The following DOCK8 variants were observed in gnomAD, a reference collection of about 807,000 sequenced individuals.
DOCK8 encodes dedicator of cytokinesis 8, also known as dedicator of cytokinesis protein 8.
Under a neutral mutation model 245.6 loss-of-function variants are expected in DOCK8, and 141 were observed. That is an observed-to-expected ratio of 0.57 (90% confidence interval 0.50 to 0.66). DOCK8 has a LOEUF of 0.66. DOCK8 is among the 30% of genes least tolerant of loss of function. The probability of loss-of-function intolerance (pLI) is 0.00; values close to 1 mark genes in which losing one functional copy is unlikely to be tolerated. For missense variants in DOCK8, 2,965 were observed against 2,603.4 expected (o/e 1.14, Z -3.02); for synonymous variants, 1,168 against 970.2 (o/e 1.20, Z -3.79).
intron 24 of DOCK8, among the ~76,000 whole-genome samples, chr9:392,659 A>T (rs2054251158): frequency 6.6e-6 from 1 of 151,570 alleles, no homozygotes; most frequent in Non-Finnish European, 1.5e-5. Context: ...ACAACACCAG[A>T]ATTTTTTTTT....
chr9:359,418 A>G (rs561267570), intron 14 of DOCK8, among the ~76,000 whole-genome samples: 1 of 152,312 alleles, frequency 6.6e-6, no homozygotes, highest in Admixed American at 6.5e-5. Flanking sequence ...CCTGTCATAG[A>G]TGCTTGTAAC....
At chr9:451,676 T>C (rs148384955) in intron 45 of DOCK8, among the ~76,000 whole-genome samples, 90 of 151,890 alleles carry the variant, frequency 5.9e-4, no homozygotes, top group African/African-American at 2.1e-3. Flanking sequence ...TACTTCTGAG[T>C]GTTCCTCTAA....
chr9:310,594 G>C (rs1163950673), intron 5 of DOCK8, among the ~76,000 whole-genome samples: 1 of 152,166 alleles, frequency 6.6e-6, no homozygotes, highest in Non-Finnish European at 1.5e-5. Flanking sequence ...AAGTAGCTGA[G>C]ATTATAGGCA....
intron 14 of DOCK8, among the ~76,000 whole-genome samples, chr9:367,306 C>G (rs774868685): frequency 4.6e-5 from 7 of 152,172 alleles, no homozygotes; most frequent in Non-Finnish European, 8.8e-5. Context: ...GTCCTAGGCA[C>G]TGTTCTAGTG....
At chr9:435,066 A>G in intron 39 of DOCK8, 91 bp downstream of exon 39, 2 of 1,500,214 alleles carry the variant, frequency 1.3e-6, no homozygotes, top group Non-Finnish European at 1.8e-6. Flanking sequence ...CAATGTCTAG[A>G]TACATTTTTG....
intron 36 of DOCK8, among the ~76,000 whole-genome samples, chr9:430,400 A>G (rs1351676201): frequency 2.0e-5 from 3 of 151,478 alleles, no homozygotes; most frequent in Non-Finnish European, 4.4e-5. Context: ...AAAATAAAAT[A>G]ACCAGGTGCA....
At chr9:411,737 C>T (rs181290638) in intron 28 of DOCK8, among the ~76,000 whole-genome samples, 169 of 152,228 alleles carry the variant, frequency 1.1e-3, no homozygotes, top group African/African-American at 3.7e-3. Flanking sequence ...AAGGATTATA[C>T]ACCATGGCTA....
chr9:333,515 A>T (rs192712641), intron 10 of DOCK8, among the ~76,000 whole-genome samples: 10 of 151,838 alleles, frequency 6.6e-5, no homozygotes, highest in South Asian at 2.1e-4. Context: ...GCAGGAGAAT[A>T]GCTTGAACCT....
At chr9:308,673 T>C (rs1346919592) in intron 5 of DOCK8, among the ~76,000 whole-genome samples, 7 of 152,224 alleles carry the variant, frequency 4.6e-5, no homozygotes. Context: ...TCTTTCTTTT[T>C]TAGAGACAGA....
chr9:404,650 G>A (rs2055328859), intron 26 of DOCK8, among the ~76,000 whole-genome samples: 1 of 152,140 alleles, frequency 6.6e-6, no homozygotes, highest in Non-Finnish European at 1.5e-5. Flanking sequence ...GCTTCCCATG[G>A]TATTAAAGAT....
chr9:429,339 C>T (rs1052183332), intron 35 of DOCK8, among the ~76,000 whole-genome samples: 1 of 152,204 alleles, frequency 6.6e-6, no homozygotes, highest in South Asian at 2.1e-4. Flanking sequence ...AAGTAAAATT[C>T]TTCTGCTCAT....
chr9:407,806 A>G (rs1382226233), intron 28 of DOCK8, among the ~76,000 whole-genome samples: 1 of 152,232 alleles, frequency 6.6e-6, no homozygotes, highest in Non-Finnish European at 1.5e-5. Flanking sequence ...TAGGTGTTAG[A>G]GTACATCAGA....
intron 1 of DOCK8, among the ~76,000 whole-genome samples, chr9:239,068 A>G (rs1474756791): frequency 6.6e-6 from 1 of 152,242 alleles, no homozygotes; most frequent in Non-Finnish European, 1.5e-5. Flanking sequence ...CACTCCACAC[A>G]GACGGTGGCT....
chr9:308,043 AT>A (rs1365736102), intron 5 of DOCK8, among the ~76,000 whole-genome samples: 2 of 152,350 alleles, frequency 1.3e-5, no homozygotes, highest in African/African-American at 4.8e-5. Context: ...TGGTAACTAG[AT>A]GCTGGGAAGG....
In DOCK8 at chr9:418,211, T is replaced by G; in HGVS notation, c.3840+4T>G. ...TGGAATAGTGCTGTCTTCCTTGGTA[T>G]GTTGGTGCACATGTGTCTGGTTGAT... On this transcript the variant is annotated splice_donor_region_variant and intron_variant, in intron 30 of 47. Transcript: ENST00000432829. The G allele has an allele frequency of 1.9e-6, 3 of 1,614,192 alleles. No individual in the cohort carries two copies. The highest frequency in any genetic ancestry group is 2.5e-6 in the Non-Finnish European group (3 of 1,179,998).
rs1009442620 is a variant in DOCK8 at position 311,858 on chromosome 9, T to TC, written c.529-93dup. 33 of 1,464,668 alleles carry TC rather than the reference T, an allele frequency of 2.3e-5. No homozygotes were observed. In the African/African-American group the frequency reaches 4.6e-4, roughly 20 times the overall value. 90.7% of individuals were successfully genotyped at this position (1,464,668 alleles called of 1,614,324 possible). A position where few individuals can be genotyped will look rare whatever the true frequency, so the allele number is the denominator to read the frequency against. ...TTGAGGCCTGGCTGAGATTCTGTAG[T>TC]CCCAAATTGGAGCAGTCTTGAGACA... On this transcript the variant is annotated intron_variant, in intron 5 of 47. Transcript: ENST00000432829.
chr9:218,592 C>T (rs965636415), intron 1 of DOCK8, among the ~76,000 whole-genome samples: 1 of 152,106 alleles, frequency 6.6e-6, no homozygotes, highest in Non-Finnish European at 1.5e-5. Flanking sequence ...TGTTAATTGC[C>T]TTTTTTCTTA....
intron 45 of DOCK8, among the ~76,000 whole-genome samples, chr9:451,143 T>C (rs1456129209): frequency 6.6e-6 from 1 of 151,802 alleles, no homozygotes; most frequent in Non-Finnish European, 1.5e-5. Context: ...TGAAACCCCA[T>C]CTCTGCTAAA....
chr9:382,426 A>C, intron 21 of DOCK8, 87 bp from the exon 22 acceptor site: 1 of 1,579,146 alleles, frequency 6.3e-7, no homozygotes, highest in Non-Finnish European at 8.7e-7. Context: ...CTTTTCATCC[A>C]CCCTATCCCT....
Sources: gnomAD v4.1 joint callset for allele counts (sites outside exome capture counted in the v4.1 genomes callset) on GRCh38, gnomAD v4.1.1 for gene constraint, MANE v1.5 for transcripts, NCBI Gene and HGNC (gene_info 2026-07-23, HGNC 2026-07-21) for gene names.